Variants in PRKD2 observed in about 807,000 individuals in gnomAD.
The protein encoded by PRKD2 is protein kinase D2.
In PRKD2, 22 loss-of-function variants were observed where a neutral mutation model predicts 86.0. The observed-to-expected ratio is 0.26, with a 90% CI of 0.18 to 0.37. The LOEUF (loss-of-function observed/expected upper bound fraction) is 0.37, where lower values mean the gene tolerates loss of function less well. PRKD2 is among the 10% of genes least tolerant of loss of function. The pLI is 1.00. For missense variants in PRKD2, 818 were observed against 1,199.2 expected, an observed-to-expected ratio of 0.68 and a Z score of 4.70; for synonymous variants, 509 against 510.9, an observed-to-expected ratio of 1.00 and a Z score of 0.05.
At chr19:46,681,783 G>C (rs762497519) in intron 14 of PRKD2, 35 bp from the exon 15 acceptor site, 2 of 1,410,092 alleles carry the variant, frequency 1.4e-6, no homozygotes, top group South Asian at 2.3e-5. Flanking sequence ...AAGAAAGGTA[G>C]ATAGGTACTC....
chr19:46,706,056 G>T (rs1345630764), intron 3 of PRKD2, among the ~76,000 whole-genome samples: 2 of 151,594 alleles, frequency 1.3e-5, no homozygotes, highest in Non-Finnish European at 2.9e-5. Flanking sequence ...GTAGAGATGG[G>T]GTCTCGCTAC....
Position 46,693,861 on chromosome 19 carries a change from G to A in PRKD2, c.1576+14C>T. On this transcript the variant is annotated intron_variant, in intron 10 of 17. Transcript: ENST00000291281. The surrounding 1 kb of genome is among the most constrained non-coding windows in gnomAD (Gnocchi z 4.5). ...AGATCTATTCTCTCAAGGACCCGAGGTGGGAGGACTTACTGTGGGGCGCGT... is the reference window on the plus strand; with the variant it reads ...AGATCTATTCTCTCAAGGACCCGAGATGGGAGGACTTACTGTGGGGCGCGT... The A allele has an allele frequency of 6.3e-7, 1 of 1,583,818 alleles. No homozygotes were observed. The highest frequency in any genetic ancestry group is 8.6e-7 in the Non-Finnish European group (1 of 1,165,784).
chr19:46,710,584 T>G (rs1332875291), intron 3 of PRKD2: 7 of 306,500 alleles, frequency 2.3e-5, no homozygotes, highest in Non-Finnish European at 4.3e-5. Flanking sequence ...TTTCTCTGCT[T>G]GATCCCTAAC....
At position 46,716,340 on chromosome 19, in the gene PRKD2, G is replaced by A. The variant is rs2053881315; in HGVS notation, c.31C>T (p.Leu11Phe). The stretch of plus-strand genomic sequence containing the variant: ...GACCCCGGCCCGGGAGAGCCAGGGA[G>A]CCCGGCGGGATAAGAGGGGGCGGTG... MATAPSYPAGLPGSPGPGSPP... is the reference protein window; with the variant it reads MATAPSYPAGFPGSPGPGSPP... The change falls in exon 1 of 18, where the codon CTC becomes TTC. Residue 11 changes from leucine to phenylalanine, a missense_variant. Coordinates refer to ENST00000291281, the MANE Select transcript of PRKD2 (RefSeq NM_016457.5). This position sits in a 1 kb window ranked among gnomAD's most constrained non-coding sequence, Gnocchi z 7.9. 4.1e-6 allele frequency: 6 copies of A among 1,475,004 alleles called. No individual in the cohort carries two copies. The highest frequency in any genetic ancestry group is 4.5e-6 in the Non-Finnish European group (5 of 1,115,842). The allele number at this position is 1,475,004 out of a possible 1,614,324, so 91.4% of individuals were successfully genotyped here.
chr19:46,712,859 T>C (rs962051255), intron 2 of PRKD2, among the ~76,000 whole-genome samples: 1 of 152,194 alleles, frequency 6.6e-6, no homozygotes, highest in African/African-American at 2.4e-5. Context: ...ACTGGAATAG[T>C]GAGTGGATGA....
intron 1 of PRKD2, chr19:46,714,383 G>T: frequency 1.1e-6 from 1 of 905,152 alleles, no homozygotes; most frequent in Non-Finnish European, 1.3e-6. Context: ...CTTCCTTCCT[G>T]GATCTGTCTA....
At chr19:46,701,209 T>C in intron 5 of PRKD2, 97 bp from the exon 6 acceptor site, 1 of 1,296,424 alleles carries the variant, frequency 7.7e-7, no homozygotes, top group Non-Finnish European at 1.1e-6. Flanking sequence ...CAAAAGAGTC[T>C]ACTCTTGCTG....
At chr19:46,715,962 G>A (rs1005153216) in intron 1 of PRKD2, among the ~76,000 whole-genome samples, 169 bp downstream of exon 1, 13 of 152,230 alleles carry the variant, frequency 8.5e-5, no homozygotes, top group African/African-American at 3.1e-4. Flanking sequence ...TCTCTCAAAG[G>A]GATGGTGGGG....
chr19:46,701,854 T>C (rs990544920), intron 5 of PRKD2, among the ~76,000 whole-genome samples: 3 of 151,898 alleles, frequency 2.0e-5, no homozygotes, highest in African/African-American at 7.3e-5. Context: ...AGTAGCACTA[T>C]CCCAGCGTAC....
chr19:46,693,797 T>A lies in PRKD2; in HGVS notation c.1576+78A>T. ...ACCCCACCATTGCCCACTTTCCTCT[T>A]TGGCCCTTCCATTCCCCAGAACCGT... is the stretch of plus-strand genomic sequence containing the variant. On this transcript the variant is annotated intron_variant, in intron 10 of 17. Coordinates refer to ENST00000291281, the MANE Select transcript of PRKD2 (RefSeq NM_016457.5). This position sits in a 1 kb window ranked among gnomAD's most constrained non-coding sequence, Gnocchi z 4.5. The A allele has an allele frequency of 6.6e-7, 1 of 1,508,126 alleles. No individual in the cohort carries two copies. The highest frequency in any genetic ancestry group is 8.8e-7 in the Non-Finnish European group (1 of 1,131,754). The allele number at this position is 1,508,126 out of a possible 1,614,324, so 93.4% of individuals were successfully genotyped here.
At position 46,713,864 on chromosome 19, in the gene PRKD2, C is replaced by G; in HGVS notation, c.378G>C (p.Ser126=). 1 of 1,594,838 alleles carries G rather than the reference C, an allele frequency of 6.3e-7. No homozygotes were observed. The change falls in exon 2 of 18, where the codon TCG becomes TCC. Residue 126 remains serine, a splice_region_variant and synonymous_variant. Coordinates refer to ENST00000291281, the MANE Select transcript of PRKD2 (RefSeq NM_016457.5). ...CCCAGGCCGGCCACCACCTCTCACC[C>G]GACAGCACCACCTCCACCAGGTCGC... ...QEGDLVEVVL[S]ASATFEDFQI...
At chr19:46,703,986 C>CACACACACACACAT (rs1199150463) in intron 5 of PRKD2, among the ~76,000 whole-genome samples, 183 bp downstream of exon 5, 1 of 151,556 alleles carries the variant, frequency 6.6e-6, no homozygotes, top group Non-Finnish European at 1.5e-5. Flanking sequence ...CACACACACA[C>CACACACACACACAT]ACACACAACT....
chr19:46,695,525 C>T (rs184972081), intron 9 of PRKD2, among the ~76,000 whole-genome samples: 3 of 152,338 alleles, frequency 2.0e-5, no homozygotes, highest in East Asian at 3.9e-4. Flanking sequence ...TGAGGCCACA[C>T]AGGGCTTTGC....
intron 13 of PRKD2, 64 bp downstream of exon 13, chr19:46,690,536 C>A: frequency 6.6e-7 from 1 of 1,506,530 alleles, no homozygotes; most frequent in South Asian, 1.1e-5. Flanking sequence ...CCTGACCACC[C>A]CTACACTGGG....
intron 1 of PRKD2, among the ~76,000 whole-genome samples, chr19:46,715,119 A>C (rs2053866606): frequency 6.6e-6 from 1 of 152,014 alleles, no homozygotes. Flanking sequence ...ACCTGGTATC[A>C]CTATACATTT....
chr19:46,680,683 A>G (rs991436473), intron 15 of PRKD2, among the ~76,000 whole-genome samples: 3 of 151,506 alleles, frequency 2.0e-5, no homozygotes, highest in African/African-American at 7.3e-5. Flanking sequence ...AGTATGAAAA[A>G]CAAGCAGAAT....
At position 46,682,219 on chromosome 19, in the gene PRKD2, G is replaced by T. The variant is rs572525943; in HGVS notation, c.1972-471C>A. Among the ~76,000 whole-genome samples, 4 of 152,116 alleles carry T rather than the reference G, an allele frequency of 2.6e-5. 1 individual carries two copies. The highest frequency in any genetic ancestry group is 9.6e-5 in the African/African-American group (4 of 41,522). ...GATGGGGTTTCACCATGTTGGCCAG[G>T]CTGGTCTCAAACTCCTGACCTCGTG... is the stretch of plus-strand genomic sequence containing the variant. On this transcript the variant is annotated intron_variant, in intron 14 of 17. Coordinates refer to ENST00000291281, the MANE Select transcript of PRKD2 (RefSeq NM_016457.5).
chr19:46,712,901 C>G (rs1203233511), intron 2 of PRKD2, among the ~76,000 whole-genome samples: 1 of 152,206 alleles, frequency 6.6e-6, no homozygotes, highest in African/African-American at 2.4e-5. Flanking sequence ...AGAAAATCAC[C>G]TGGGGGCTTT....
At position 46,674,400 on chromosome 19, in the gene PRKD2, C is replaced by A. The variant is rs1415740259; in HGVS notation, c.*123G>T. On this transcript the variant is annotated 3_prime_UTR_variant, in exon 18 of 18. Transcript: ENST00000291281. ...GAGGGGCCTTGGAAATAGCTCCCCC[C>A]ACCCCACTCCCCACGTGTCCCATCC... The A allele has an allele frequency of 5.6e-6, 6 of 1,064,326 alleles. No individual in the cohort carries two copies. Among genetic ancestry groups the A allele is most frequent in the Non-Finnish European group, 7.9e-6 (6 of 756,574 alleles). 65.9% of individuals were successfully genotyped at this position (1,064,326 alleles called of 1,614,324 possible). A position where few individuals can be genotyped will look rare whatever the true frequency, so the allele number is the denominator to read the frequency against.
Sources: gnomAD v4.1 joint callset for allele counts (sites outside exome capture counted in the v4.1 genomes callset) on GRCh38, gnomAD v4.1.1 for gene constraint, Gnocchi (gnomAD v3.1) non-coding constraint, MANE v1.5 for transcripts, NCBI Gene and HGNC (gene_info 2026-07-23, HGNC 2026-07-21) for gene names.